The following ATRNL1 variants were observed in gnomAD, a reference collection of about 807,000 sequenced individuals.
ATRNL1 encodes the protein attractin like 1.
Under a neutral mutation model 182.7 loss-of-function variants are expected in ATRNL1, and 95 were observed. The observed-to-expected ratio is 0.52, with a 90% CI of 0.44 to 0.62. The LOEUF is 0.62. ATRNL1 is among the 20% of genes least tolerant of loss of function. ATRNL1 has a pLI of 0.00. For missense variants in ATRNL1, 1,471 were observed against 1,679.5 expected (o/e 0.88, Z 2.17); for synonymous variants, 576 against 568.3 (o/e 1.01, Z -0.19).
At chr10:115,359,937 C>T (rs923328612) in intron 19 of ATRNL1, among the ~76,000 whole-genome samples, 7 of 151,582 alleles carry the variant, frequency 4.6e-5, no homozygotes, top group South Asian at 2.1e-4. Context: ...TTTTAACATA[C>T]ATTTTGTGCA....
At chr10:115,586,339 T>A (rs1855500574) in intron 26 of ATRNL1, among the ~76,000 whole-genome samples, 1 of 91,304 alleles carries the variant, frequency 1.1e-5, no homozygotes, top group Non-Finnish European at 2.4e-5. Context: ...GATAATATCC[T>A]GCAGAGTGTT....
At chr10:115,166,437 C>T (rs1554884368) in intron 7 of ATRNL1, among the ~76,000 whole-genome samples, 3 of 151,272 alleles carry the variant, frequency 2.0e-5, no homozygotes, top group South Asian at 4.2e-4. Context: ...ATTGCTAAAT[C>T]GTATGGTAAT....
intron 5 of ATRNL1, among the ~76,000 whole-genome samples, chr10:115,157,842 T>C (rs911110387): frequency 6.6e-6 from 1 of 152,130 alleles, no homozygotes; most frequent in African/African-American, 2.4e-5. Flanking sequence ...AAACTTGTTC[T>C]GCAGTATTTT....
At chr10:115,859,799 C>A (rs1555103061) in intron 28 of ATRNL1, among the ~76,000 whole-genome samples, 1 of 152,090 alleles carries the variant, frequency 6.6e-6, no homozygotes, top group African/African-American at 2.4e-5. Context: ...AATGGAAGTC[C>A]TGGTGGAGGA....
At chr10:115,857,226 C>G (rs1951210566) in intron 28 of ATRNL1, among the ~76,000 whole-genome samples, 1 of 152,046 alleles carries the variant, frequency 6.6e-6, no homozygotes, top group South Asian at 2.1e-4. Flanking sequence ...AGATTATTGG[C>G]AAGGCTTCTG....
intron 4 of ATRNL1, among the ~76,000 whole-genome samples, chr10:115,127,983 T>A (rs1845049118): frequency 6.6e-6 from 1 of 152,192 alleles, no homozygotes; most frequent in African/African-American, 2.4e-5. Context: ...AGTAAACAAG[T>A]ACTAGTGTAG....
At chr10:115,197,678 G>A (rs1554891358) in intron 8 of ATRNL1, among the ~76,000 whole-genome samples, 4 of 152,056 alleles carry the variant, frequency 2.6e-5, no homozygotes, top group African/African-American at 9.7e-5. Flanking sequence ...CAGTGCAGTC[G>A]GCCTGGGGAA....
chr10:115,324,355 G>T (rs1427703544), intron 18 of ATRNL1, among the ~76,000 whole-genome samples: 1 of 152,172 alleles, frequency 6.6e-6, no homozygotes, highest in Non-Finnish European at 1.5e-5. Context: ...GAATAGTTGT[G>T]ATAGAGACTG....
At chr10:115,378,823 ATTTC>A (rs1161515269) in intron 19 of ATRNL1, among the ~76,000 whole-genome samples, 1 of 152,202 alleles carries the variant, frequency 6.6e-6, no homozygotes, top group Admixed American at 6.5e-5. Flanking sequence ...TATCTATTAA[ATTTC>A]TTTAAGTATA....
At chr10:115,828,803 A>G (rs1355635067) in intron 27 of ATRNL1, among the ~76,000 whole-genome samples, 1 of 152,186 alleles carries the variant, frequency 6.6e-6, no homozygotes, top group African/African-American at 2.4e-5. Flanking sequence ...CGAGTAGTGA[A>G]ATAAGTATGC....
chr10:115,744,062 G>A (rs1315214102), intron 27 of ATRNL1, among the ~76,000 whole-genome samples: 1 of 151,940 alleles, frequency 6.6e-6, no homozygotes, highest in African/African-American at 2.4e-5. Context: ...ATAACTTCCT[G>A]TTAGAAGAAG....
At chr10:115,560,164 C>A (rs1853611859) in intron 26 of ATRNL1, among the ~76,000 whole-genome samples, 1 of 152,056 alleles carries the variant, frequency 6.6e-6, no homozygotes. Flanking sequence ...TACACAGGAA[C>A]AAACTTAACA....
chr10:115,105,565 G>A (rs1364596598), intron 1 of ATRNL1, among the ~76,000 whole-genome samples: 1 of 152,238 alleles, frequency 6.6e-6, no homozygotes, highest in Non-Finnish European at 1.5e-5. Flanking sequence ...TCTCATCACA[G>A]GCCTGGAGGC....
intron 20 of ATRNL1, among the ~76,000 whole-genome samples, chr10:115,421,953 C>G (rs868958001): frequency 1.3e-5 from 2 of 152,090 alleles, no homozygotes; most frequent in Non-Finnish European, 2.9e-5. Context: ...TGAAAGGACT[C>G]CCTATTCAAT....
intron 27 of ATRNL1, among the ~76,000 whole-genome samples, chr10:115,810,512 G>A (rs782321806): frequency 3.3e-5 from 5 of 151,802 alleles, no homozygotes; most frequent in Non-Finnish European, 7.4e-5. Flanking sequence ...CTTCGGCCAG[G>A]GTAATTTTGA....
intron 19 of ATRNL1, among the ~76,000 whole-genome samples, chr10:115,389,500 CAAA>C (rs71010019): frequency 1.4e-5 from 1 of 72,946 alleles, no homozygotes; most frequent in Admixed American, 1.6e-4. Context: ...GACTCCGTCT[CAAA>C]AAAAAAAAAA....
chr10:115,741,378 A>C (rs1555067633), intron 27 of ATRNL1, among the ~76,000 whole-genome samples: 1 of 152,092 alleles, frequency 6.6e-6, no homozygotes, highest in Non-Finnish European at 1.5e-5. Flanking sequence ...TGCCAAGTTG[A>C]GAGAGCAAGG....
intron 19 of ATRNL1, among the ~76,000 whole-genome samples, chr10:115,352,739 A>T (rs754692046): frequency 6.6e-6 from 1 of 152,130 alleles, no homozygotes; most frequent in African/African-American, 2.4e-5. Flanking sequence ...CTGTACTAAA[A>T]ATACAAAAAA....
chr10:115,154,835 A>T (rs1409865597), intron 5 of ATRNL1, among the ~76,000 whole-genome samples: 1 of 152,082 alleles, frequency 6.6e-6, no homozygotes, highest in African/African-American at 2.4e-5. Flanking sequence ...GTGCCAAGAA[A>T]CGGTGCCAGG....
Sources: gnomAD v4.1 joint callset for allele counts (sites outside exome capture counted in the v4.1 genomes callset) on GRCh38, gnomAD v4.1.1 for gene constraint, MANE v1.5 for transcripts, NCBI Gene and HGNC (gene_info 2026-07-23, HGNC 2026-07-21) for gene names.